RPS6KA5: variants seen among roughly 807,000 people sequenced by gnomAD.
The protein encoded by RPS6KA5 is ribosomal protein S6 kinase alpha-5.
A neutral mutation model predicts 85.5 loss-of-function variants in RPS6KA5; 27 were observed. That is an observed-to-expected ratio of 0.32 (90% confidence interval 0.23 to 0.44). The LOEUF is 0.44. Ranked by LOEUF, RPS6KA5 falls within the 20% of genes least tolerant of loss-of-function variation. The pLI is 1.00. For missense variants in RPS6KA5, 811 were observed against 980.9 expected, an observed-to-expected ratio of 0.83 and a Z score of 2.31; for synonymous variants, 334 against 348.2, an observed-to-expected ratio of 0.96 and a Z score of 0.46.
intron 1 of RPS6KA5, among the ~76,000 whole-genome samples, chr14:91,002,723 A>G (rs533570097): frequency 3.3e-5 from 5 of 152,302 alleles, no homozygotes; most frequent in African/African-American, 1.2e-4. Context: ...ATTGTTAACC[A>G]TATGTACGTT....
rs772370418 is a variant in RPS6KA5 at position 91,060,451 on chromosome 14, G to T, written c.-17C>A. 2.1e-6 allele frequency: 3 copies of T among 1,436,026 alleles called. No individual in the cohort carries two copies. The highest frequency in any genetic ancestry group is 2.3e-5 in the Admixed American group (1 of 42,988). The allele number at this position is 1,436,026 out of a possible 1,614,324, so 89.0% of individuals were successfully genotyped here. On this transcript the variant is annotated 5_prime_UTR_variant, in exon 1 of 17. Coordinates refer to ENST00000614987, the MANE Select transcript of RPS6KA5 (RefSeq NM_004755.4). Reference sequence around the variant, plus strand: ...CTCCTCCATCTTCTCCTTTTTTTCCGATCCCGCGGGTCGCTACGAGGGGAA... The same window carrying T: ...CTCCTCCATCTTCTCCTTTTTTTCCTATCCCGCGGGTCGCTACGAGGGGAA...
At chr14:90,915,111 CA>C (rs1314590744) in intron 7 of RPS6KA5, among the ~76,000 whole-genome samples, 2 of 151,872 alleles carry the variant, frequency 1.3e-5, no homozygotes, top group African/African-American at 2.4e-5. Flanking sequence ...CTTCTTAAAA[CA>C]GGGTAAAAAA....
At position 90,885,739 on chromosome 14, in the gene RPS6KA5, C is replaced by T. The variant is rs1408522149; in HGVS notation, c.1836+4748G>A. 1.2e-3 allele frequency among the ~76,000 whole-genome samples: 33 copies of T among 27,844 alleles called. 1 individual carries two copies. The South Asian group carries it at 0.066, about 56-fold the overall frequency. The allele number at this position is 27,844 out of a possible 152,430, so 18.3% of individuals were successfully genotyped here. On this transcript the variant is annotated intron_variant, in intron 14 of 16. Transcript: ENST00000614987. Reference sequence around the variant, plus strand: ...CCTGGGTGACAGAGCAAGACTCCATCTCAAAAAAAAAAAAAAAAAAAAAAA... The same window carrying T: ...CCTGGGTGACAGAGCAAGACTCCATTTCAAAAAAAAAAAAAAAAAAAAAAA...
chr14:90,988,588 G>A (rs1320074479), intron 2 of RPS6KA5, among the ~76,000 whole-genome samples: 89 of 152,098 alleles, frequency 5.9e-4, no homozygotes, highest in Non-Finnish European at 1.5e-4. Flanking sequence ...AGGCCGAGGC[G>A]GGTGCATCAC....
chr14:90,948,791 T>C (rs1349555079), intron 3 of RPS6KA5, among the ~76,000 whole-genome samples: 1 of 151,794 alleles, frequency 6.6e-6, no homozygotes, highest in African/African-American at 2.4e-5. Context: ...CACTGACAAC[T>C]AGAAAAGTCA....
chr14:90,993,392 A>G (rs2040387159), intron 2 of RPS6KA5, among the ~76,000 whole-genome samples: 1 of 152,192 alleles, frequency 6.6e-6, no homozygotes, highest in African/African-American at 2.4e-5. Flanking sequence ...GTGAGCTAAG[A>G]TCGTGCCACT....
At chr14:91,008,372 A>G in intron 1 of RPS6KA5, among the ~76,000 whole-genome samples, 1 of 152,256 alleles carries the variant, frequency 6.6e-6, no homozygotes, top group South Asian at 2.1e-4. Context: ...ACTTGAAATA[A>G]GATATGAGAA....
At chr14:90,959,055 G>A (rs1166729395) in intron 3 of RPS6KA5, among the ~76,000 whole-genome samples, 2 of 152,016 alleles carry the variant, frequency 1.3e-5, no homozygotes, top group Non-Finnish European at 2.9e-5. Context: ...CAGGCCTGGT[G>A]TATTTGAAGG....
intron 7 of RPS6KA5, among the ~76,000 whole-genome samples, chr14:90,913,789 C>G (rs903714365): frequency 6.6e-6 from 1 of 152,152 alleles, no homozygotes; most frequent in Non-Finnish European, 1.5e-5. Context: ...GTGGTAAACT[C>G]AGACCTTGGG....
At chr14:91,012,416 T>C (rs187971032) in intron 1 of RPS6KA5, among the ~76,000 whole-genome samples, 3 of 152,360 alleles carry the variant, frequency 2.0e-5, no homozygotes, top group Admixed American at 2.0e-4. Context: ...CAACTATATA[T>C]GGTAATCCTA....
intron 3 of RPS6KA5, among the ~76,000 whole-genome samples, chr14:90,971,460 G>T (rs2039319129): frequency 6.6e-6 from 1 of 152,106 alleles, no homozygotes; most frequent in Non-Finnish European, 1.5e-5. Context: ...TTTACAAGAT[G>T]ACAGATACAA....
chr14:90,859,470 G>C lies in RPS6KA5; in HGVS notation c.*12604C>G, dbSNP rs575576023. 11 of 152,260 alleles carry C rather than the reference G, an allele frequency of 7.2e-5. No homozygotes were observed. In the East Asian group the frequency reaches 2.1e-3, roughly 29 times the overall value. 9.4% of individuals were successfully genotyped at this position (152,260 alleles called of 1,614,324 possible). A position where few individuals can be genotyped will look rare whatever the true frequency, so the allele number is the denominator to read the frequency against. On this transcript the variant is annotated 3_prime_UTR_variant, in exon 17 of 17. Coordinates refer to ENST00000614987, the MANE Select transcript of RPS6KA5 (RefSeq NM_004755.4). ...TTTGATTAATGTGTTCAAGAATATA[G>C]AGGAAAAGACAAGATATGATCAGAG...
At chr14:90,903,030 T>C in intron 8 of RPS6KA5, 61 bp from the exon 9 acceptor site, 1 of 1,417,890 alleles carries the variant, frequency 7.1e-7, no homozygotes, top group Admixed American at 1.9e-5. Flanking sequence ...TTTCTAAGAA[T>C]AACAAAGATA....
At chr14:90,958,132 G>A (rs561889821) in intron 3 of RPS6KA5, among the ~76,000 whole-genome samples, 1 of 152,252 alleles carries the variant, frequency 6.6e-6, no homozygotes, top group South Asian at 2.1e-4. Context: ...GGGCAACAGA[G>A]TGAAACCCTG....
At chr14:90,872,792 C>A (rs187731762) in intron 16 of RPS6KA5, among the ~76,000 whole-genome samples, 1 of 152,328 alleles carries the variant, frequency 6.6e-6, no homozygotes, top group Admixed American at 6.5e-5. Flanking sequence ...GACACTTACA[C>A]GCATGGAGAA....
rs1035371553 is a variant in RPS6KA5 at position 90,854,172 on chromosome 14, A to G, written c.*17902T>C. The G allele has an allele frequency of 4.0e-5, 5 of 125,324 alleles. No individual in the cohort carries two copies. Among genetic ancestry groups the G allele is most frequent in the Admixed American group, 2.1e-4 (3 of 14,134 alleles). 7.8% of individuals were successfully genotyped at this position (125,324 alleles called of 1,614,324 possible). A position where few individuals can be genotyped will look rare whatever the true frequency, so the allele number is the denominator to read the frequency against. On this transcript the variant is annotated 3_prime_UTR_variant, in exon 17 of 17. Transcript: ENST00000614987. Reference sequence around the variant, plus strand: ...TGATGCAAACTAATTTTAAGTAATTATAGTGCAAGGAGCCTGATGTATGAA... The same window carrying G: ...TGATGCAAACTAATTTTAAGTAATTGTAGTGCAAGGAGCCTGATGTATGAA...
chr14:91,019,978 G>A (rs2041676436), intron 1 of RPS6KA5, among the ~76,000 whole-genome samples: 1 of 152,160 alleles, frequency 6.6e-6, no homozygotes, highest in Non-Finnish European at 1.5e-5. Context: ...CTAGCCTATT[G>A]CTCCTGGGCT....
At chr14:90,985,193 T>C (rs2140506503) in intron 2 of RPS6KA5, among the ~76,000 whole-genome samples, 1 of 152,340 alleles carries the variant, frequency 6.6e-6, no homozygotes, top group African/African-American at 2.4e-5. Context: ...TCTGCCCACC[T>C]CGGCCTCCCA....
intron 14 of RPS6KA5, among the ~76,000 whole-genome samples, chr14:90,887,450 G>A (rs1393903419): frequency 6.6e-6 from 1 of 151,692 alleles, no homozygotes; most frequent in Non-Finnish European, 1.5e-5. Context: ...TTGGCCTCCC[G>A]AAGTGCTGGG....
Sources: gnomAD v4.1 joint callset for allele counts (sites outside exome capture counted in the v4.1 genomes callset) on GRCh38, gnomAD v4.1.1 for gene constraint, MANE v1.5 for transcripts, NCBI Gene and HGNC (gene_info 2026-07-23, HGNC 2026-07-21) for gene names.